Variants in PXK observed in about 807,000 individuals in gnomAD.
PXK encodes PX domain-containing protein kinase-like protein.
PXK carries 35 observed loss-of-function variants against 84.7 expected under a neutral mutation model. The ratio of observed to expected loss-of-function variants is 0.41; its 90% CI spans 0.32 to 0.55. The LOEUF is 0.55. Ranked by LOEUF, PXK falls within the 20% of genes least tolerant of loss-of-function variation. The pLI is 0.21. For synonymous variants in PXK, 253 were observed against 260.8 expected, an observed-to-expected ratio of 0.97 and a Z score of 0.29; for missense variants, 634 against 699.7, an observed-to-expected ratio of 0.91 and a Z score of 1.06.
At chr3:58,355,938 G>A (rs546236362) in intron 1 of PXK, among the ~76,000 whole-genome samples, 1 of 152,332 alleles carries the variant, frequency 6.6e-6, no homozygotes, top group South Asian at 2.1e-4. Flanking sequence ...CTGCATCCTA[G>A]CTATGCCACC....
chr3:58,397,575 G>A lies in PXK; in HGVS notation c.985-30G>A, dbSNP rs2057899880. ...AGGGTCCACAAAGCCAAAGTGAAGG[G>A]TGAACACGCTGCTACTCTTTCTTCC... On this transcript the variant is annotated intron_variant, in intron 10 of 17. Transcript: ENST00000356151. This position sits in a 1 kb window ranked among gnomAD's most constrained non-coding sequence, Gnocchi z 4.7. 1.3e-6 allele frequency: 2 copies of A among 1,575,490 alleles called. No homozygotes were observed. The highest frequency in any genetic ancestry group is 1.7e-6 in the Non-Finnish European group (2 of 1,144,978).
At position 58,333,039 on chromosome 3, in the gene PXK, G is replaced by A; in HGVS notation, c.51G>A (p.Thr17=). 3 of 1,352,540 alleles carry A rather than the reference G, an allele frequency of 2.2e-6. No homozygotes were observed. The highest frequency in any genetic ancestry group is 1.5e-5 in the South Asian group (1 of 66,318). The allele number at this position is 1,352,540 out of a possible 1,614,324, so 83.8% of individuals were successfully genotyped here. Residue 17 remains threonine, a synonymous_variant, in exon 1 of 18, where the codon ACG becomes ACA. Coordinates refer to ENST00000356151, the MANE Select transcript of PXK (RefSeq NM_017771.5). The surrounding 1 kb of genome is among the most constrained non-coding windows in gnomAD (Gnocchi z 5.4). Reference sequence around the variant, plus strand: ...CCGGCAAGGTGCTGCTGGACGACACGGTGCCGCTGACAGCAGCCATCGAGG... The same window carrying A: ...CCGGCAAGGTGCTGCTGGACGACACAGTGCCGCTGACAGCAGCCATCGAGG... ...PPAGKVLLDD[T]VPLTAAIEAS...
chr3:58,397,268 T>C lies in PXK; in HGVS notation c.984+68T>C, dbSNP rs917643241. On this transcript the variant is annotated intron_variant, in intron 10 of 17. Coordinates refer to ENST00000356151, the MANE Select transcript of PXK (RefSeq NM_017771.5). The surrounding 1 kb of genome is among the most constrained non-coding windows in gnomAD (Gnocchi z 4.7). ...GTCAGTTATCCCCATGATCTGCCCA[T>C]GTAGGAAATATGCACCAAGTAGTGA... 2.0e-6 allele frequency: 3 copies of C among 1,532,386 alleles called. No homozygotes were observed. The highest frequency in any genetic ancestry group is 2.7e-5 in the African/African-American group (2 of 73,312). 94.9% of individuals were successfully genotyped at this position (1,532,386 alleles called of 1,614,324 possible). A position where few individuals can be genotyped will look rare whatever the true frequency, so the allele number is the denominator to read the frequency against.
chr3:58,348,764 A>G lies in PXK; in HGVS notation c.102+15674A>G, dbSNP rs549823328. Among the ~76,000 whole-genome samples the G allele has an allele frequency of 2.0e-5, 3 of 151,990 alleles. No individual in the cohort carries two copies. The South Asian group carries it at 6.2e-4, about 32-fold the overall frequency. Reference sequence around the variant, plus strand: ...AGTCTCTACAAAACTTAAAAAAAAAAAAAAGTCAGGTGTGGTGGCATACCT... The same window carrying G: ...AGTCTCTACAAAACTTAAAAAAAAAGAAAAGTCAGGTGTGGTGGCATACCT... On this transcript the variant is annotated intron_variant, in intron 1 of 17. Coordinates refer to ENST00000356151, the MANE Select transcript of PXK (RefSeq NM_017771.5).
At position 58,333,053 on chromosome 3, in the gene PXK, C is replaced by T. The variant is rs2097522898; in HGVS notation, c.65C>T (p.Ala22Val). 7.5e-7 allele frequency: 1 copy of T among 1,339,624 alleles called. No homozygotes were observed. Among genetic ancestry groups the T allele is most frequent in the Non-Finnish European group, 9.7e-7 (1 of 1,030,782 alleles). The allele number at this position is 1,339,624 out of a possible 1,614,324, so 83.0% of individuals were successfully genotyped here. Residue 22 changes from alanine to valine, a missense_variant, in exon 1 of 18, where the codon GCA (alanine) becomes GTA (valine). By Grantham distance (64) the Ala-to-Val change is moderately conservative. This residue lies in a region of PXK where 353 missense variants were observed against 385.2 expected (regional missense o/e 0.92). Coordinates refer to ENST00000356151, the MANE Select transcript of PXK (RefSeq NM_017771.5). The surrounding 1 kb of genome is among the most constrained non-coding windows in gnomAD (Gnocchi z 5.4). ...CTGGACGACACGGTGCCGCTGACAG[C>T]AGCCATCGAGGCGAGCCAGAGCCTG... The part of the protein sequence containing the change: ...VLLDDTVPLT[A>V]AIEASQSLQS...
chr3:58,359,681 A>G (rs2098148019), intron 1 of PXK, among the ~76,000 whole-genome samples: 1 of 152,206 alleles, frequency 6.6e-6, no homozygotes, highest in African/African-American at 2.4e-5. Context: ...ATACATGCCA[A>G]TTTACATTTC....
rs767788439 is a variant in PXK at position 58,412,973 on chromosome 3, G to GT, written c.1528+10_1528+11insT. On this transcript the variant is annotated intron_variant, in intron 17 of 17. Transcript: ENST00000356151. The surrounding 1 kb of genome is among the most constrained non-coding windows in gnomAD (Gnocchi z 6.2). The stretch of plus-strand genomic sequence containing the variant: ...CCACCCTCTACATCAGGTTAGTGAT[G>GT]GAGTAAAGTGACATGCCACCTTCCT... 115 of 1,613,786 alleles carry GT rather than the reference G, an allele frequency of 7.1e-5. No homozygotes were observed. Among genetic ancestry groups the GT allele is most frequent in the Non-Finnish European group, 9.5e-5 (112 of 1,179,860 alleles).
Position 58,409,635 on chromosome 3 carries a change from T to C in PXK, c.1395+17T>C. On this transcript the variant is annotated intron_variant, in intron 15 of 17. Coordinates refer to ENST00000356151, the MANE Select transcript of PXK (RefSeq NM_017771.5). This position sits in a 1 kb window ranked among gnomAD's most constrained non-coding sequence, Gnocchi z 4.2. ...GCTCGAAAGGTAAGCCTGCTGTCTC[T>C]CTGCAGTCCCTCTATGAGTTCTTGA... is the stretch of plus-strand genomic sequence containing the variant. 1 of 1,591,058 alleles carries C rather than the reference T, an allele frequency of 6.3e-7. No homozygotes were observed. Among genetic ancestry groups the C allele is most frequent in the Non-Finnish European group, 8.6e-7 (1 of 1,164,070 alleles).
In PXK at chr3:58,379,634, T is replaced by C. The variant is rs1469544017; in HGVS notation, c.202-2880T>C. The C allele has an allele frequency of 6.6e-6, 1 of 152,202 alleles. No individual in the cohort carries two copies. The highest frequency in any genetic ancestry group is 1.9e-4 in the East Asian group (1 of 5,196). 9.4% of individuals were successfully genotyped at this position (152,202 alleles called of 1,614,324 possible). Reference sequence around the variant, plus strand: ...GAATGCTTTAGACTCTTGAGGAAGATTATCTTTTGTCTTCTCAGAGAGATA... The same window carrying C: ...GAATGCTTTAGACTCTTGAGGAAGACTATCTTTTGTCTTCTCAGAGAGATA... On this transcript the variant is annotated intron_variant, in intron 3 of 17. Transcript: ENST00000356151. This position sits in a 1 kb window ranked among gnomAD's most constrained non-coding sequence, Gnocchi z 5.1.
At chr3:58,408,893 C>T (rs1243874627) in intron 13 of PXK, 31 bp from the exon 14 acceptor site, 4 of 1,485,440 alleles carry the variant, frequency 2.7e-6, no homozygotes, top group Admixed American at 3.4e-5. Context: ...CCACCTTTTT[C>T]AATAGATGAT....
At chr3:58,369,585 G>T in intron 3 of PXK, 107 bp downstream of exon 3, 1 of 825,088 alleles carries the variant, frequency 1.2e-6, no homozygotes. Flanking sequence ...CAGCACTTGG[G>T]GAGGCCAATG....
Position 58,422,631 on chromosome 3 carries a change from T to C in PXK, c.1529-2121T>C, listed in dbSNP as rs186207698. The C allele has an allele frequency of 3.9e-4, 380 of 985,426 alleles. No individual in the cohort carries two copies. In the African/African-American group the frequency reaches 6.3e-3, roughly 16 times the overall value. 61.0% of individuals were successfully genotyped at this position (985,426 alleles called of 1,614,324 possible). ...CCTCAACTCCCAAACTCTGCGGTGG[T>C]GCATTTGCACTTCTAATTTTGAGGG... On this transcript the variant is annotated intron_variant, in intron 17 of 17. Coordinates refer to ENST00000356151, the MANE Select transcript of PXK (RefSeq NM_017771.5).
chr3:58,402,726 C>T (rs55668308), intron 12 of PXK, among the ~76,000 whole-genome samples: 44,640 of 150,684 alleles, frequency 0.3, 7,393 homozygotes, highest in Middle Eastern at 0.39. Context: ...CCACTGCACC[C>T]GGCCCATGCT....
rs867213787 is a variant in PXK, at chr3:58,403,925, A to G, written c.1230+15A>G. On this transcript the variant is annotated intron_variant, in intron 13 of 17. Transcript: ENST00000356151. Reference sequence around the variant, plus strand: ...CACAGTTTAAGGTAAAGACAATTATATCGTTTTTTGGTTTGTGACATAACT... The same window carrying G: ...CACAGTTTAAGGTAAAGACAATTATGTCGTTTTTTGGTTTGTGACATAACT... 2.0e-6 allele frequency: 3 copies of G among 1,483,794 alleles called. No individual in the cohort carries two copies. In the Middle Eastern group the frequency reaches 5.4e-4, roughly 267 times the overall value. The allele number at this position is 1,483,794 out of a possible 1,614,324, so 91.9% of individuals were successfully genotyped here.
At chr3:58,378,461 G>A (rs755402564) in intron 3 of PXK, among the ~76,000 whole-genome samples, 11 of 126,392 alleles carry the variant, frequency 8.7e-5, no homozygotes, top group Non-Finnish European at 1.2e-4. Flanking sequence ...TTATTTAAAT[G>A]TTTTCATTGG....
In PXK at chr3:58,398,457, A is replaced by G. The variant is rs766887235; in HGVS notation, c.1102+735A>G. ...ATGCCATAGGCCAGAAGCCTAGTAG[A>G]TAAGAGCCTAGCAGGCCCAGACCTA... is the stretch of plus-strand genomic sequence containing the variant. On this transcript the variant is annotated intron_variant, in intron 11 of 17. Coordinates refer to ENST00000356151, the MANE Select transcript of PXK (RefSeq NM_017771.5). The surrounding 1 kb of genome is among the most constrained non-coding windows in gnomAD (Gnocchi z 4.5). Among the ~76,000 whole-genome samples the G allele has an allele frequency of 1.3e-5, 2 of 152,212 alleles. No homozygotes were observed. The highest frequency in any genetic ancestry group is 4.1e-4 in the South Asian group (2 of 4,832).
chr3:58,351,119 A>C (rs9864325), intron 1 of PXK, among the ~76,000 whole-genome samples: 11,088 of 152,258 alleles, frequency 0.073, 524 homozygotes, highest in South Asian at 0.1. Context: ...TTGTCAAAGG[A>C]AAAAAGGTGC....
Position 58,409,665 on chromosome 3 carries a change from A to G in PXK, c.1395+47A>G. ...AGTCCCTCTATGAGTTCTTGAGTAC[A>G]TGTGAAGAAAGTTCTAGGTTAATGG... On this transcript the variant is annotated intron_variant, in intron 15 of 17. Transcript: ENST00000356151. This position sits in a 1 kb window ranked among gnomAD's most constrained non-coding sequence, Gnocchi z 4.2. 2 of 1,476,964 alleles carry G rather than the reference A, an allele frequency of 1.4e-6. No homozygotes were observed. The highest frequency in any genetic ancestry group is 1.9e-6 in the Non-Finnish European group (2 of 1,077,468). The allele number at this position is 1,476,964 out of a possible 1,614,324, so 91.5% of individuals were successfully genotyped here.
chr3:58,345,799 TAA>T (rs1166165252), intron 1 of PXK, among the ~76,000 whole-genome samples: 2 of 152,202 alleles, frequency 1.3e-5, no homozygotes, highest in African/African-American at 4.8e-5. Flanking sequence ...TATCGATATT[TAA>T]GTTATTATTT....
Sources: gnomAD v4.1 joint callset for allele counts (sites outside exome capture counted in the v4.1 genomes callset) on GRCh38, gnomAD v4.1.1 for gene constraint, gnomAD v4.1.1 regional missense constraint, Gnocchi (gnomAD v3.1) non-coding constraint, MANE v1.5 for transcripts, NCBI Gene and HGNC (gene_info 2026-07-23, HGNC 2026-07-21) for gene names.